Variants in CFAP61 observed in about 807,000 individuals in gnomAD.
CFAP61 encodes the protein cilia- and flagella-associated protein 61.
A neutral mutation model predicts 135.6 loss-of-function variants in CFAP61; 107 were observed. That is an observed-to-expected ratio of 0.79 (90% CI 0.67 to 0.93). CFAP61 has a LOEUF of 0.93. CFAP61 is among the 40% of genes least tolerant of loss of function. The pLI, the probability that CFAP61 is intolerant of heterozygous loss-of-function variation, is 0.00. For missense variants in CFAP61, 1,507 were observed against 1,556.2 expected, an observed-to-expected ratio of 0.97 and a Z score of 0.53; for synonymous variants, 575 against 578.5, an observed-to-expected ratio of 0.99 and a Z score of 0.09.
intron 8 of CFAP61, among the ~76,000 whole-genome samples, chr20:20,101,349 T>C (rs1266466292): frequency 1.3e-5 from 2 of 152,246 alleles, no homozygotes; most frequent in African/African-American, 4.8e-5. Context: ...AGGATTTTTA[T>C]ATATGTAATC....
chr20:20,189,252 A>G (rs1472809139), intron 14 of CFAP61, among the ~76,000 whole-genome samples: 1 of 137,138 alleles, frequency 7.3e-6, no homozygotes, highest in Admixed American at 7.4e-5. Flanking sequence ...CCTTCAGCAC[A>G]TGGTTTGCTT....
chr20:20,307,473 G>T (rs1199411207), intron 25 of CFAP61, among the ~76,000 whole-genome samples: 1 of 152,200 alleles, frequency 6.6e-6, no homozygotes, highest in Non-Finnish European at 1.5e-5. Context: ...TTTAGCTCGT[G>T]TGTTCCTGTT....
At chr20:20,054,396 G>GATATAT (rs34409266) in intron 1 of CFAP61, among the ~76,000 whole-genome samples, 1 of 140,256 alleles carries the variant, frequency 7.1e-6, no homozygotes, top group African/African-American at 2.7e-5. Context: ...ATGAGCTAGG[G>GATATAT]ATATATATAT....
chr20:20,086,105 A>C (rs552394734), intron 6 of CFAP61, among the ~76,000 whole-genome samples: 3 of 150,050 alleles, frequency 2.0e-5, no homozygotes, highest in Non-Finnish European at 4.4e-5. Context: ...TTTTTTGTAC[A>C]TGAGAAAACC....
intron 8 of CFAP61, among the ~76,000 whole-genome samples, chr20:20,140,974 G>A (rs1372810442): frequency 6.7e-6 from 1 of 148,860 alleles, no homozygotes; most frequent in Non-Finnish European, 1.5e-5. Flanking sequence ...CTAGGCTATA[G>A]TGCAGTGGCA....
chr20:20,087,614 G>C (rs1001931176), intron 6 of CFAP61, among the ~76,000 whole-genome samples: 2 of 151,514 alleles, frequency 1.3e-5, no homozygotes, highest in Admixed American at 1.3e-4. Context: ...AGCTTCTGTA[G>C]TAAGAAACTC....
intron 6 of CFAP61, among the ~76,000 whole-genome samples, chr20:20,090,297 A>T (rs1317070416): frequency 6.6e-6 from 1 of 152,136 alleles, no homozygotes; most frequent in Non-Finnish European, 1.5e-5. Flanking sequence ...CTCCCTGACC[A>T]CTTGACCCTC....
intron 8 of CFAP61, among the ~76,000 whole-genome samples, chr20:20,101,260 C>G (rs933659170): frequency 6.6e-6 from 1 of 152,232 alleles, no homozygotes; most frequent in South Asian, 2.1e-4. Flanking sequence ...AAAATATGAA[C>G]TAAAATTCTT....
At position 20,129,301 on chromosome 20, in the gene CFAP61, A is replaced by G. The variant is rs6515066; in HGVS notation, c.860-13556A>G. On this transcript the variant is annotated intron_variant, in intron 8 of 26. Coordinates refer to ENST00000245957, the MANE Select transcript of CFAP61 (RefSeq NM_015585.4). ...TTTTGTTTATTTGGGAAAGCCTTTT[A>G]TCTTTCCTTCATATTTAAAGGACAA... is the stretch of plus-strand genomic sequence containing the variant. Among the ~76,000 whole-genome samples, 312 of 151,892 alleles carry G rather than the reference A, an allele frequency of 2.1e-3. 9 individuals carry two copies. The highest frequency in any genetic ancestry group is 6.8e-3 in the African/African-American group (282 of 41,194).
intron 17 of CFAP61, among the ~76,000 whole-genome samples, chr20:20,215,489 G>T (rs1287183140): frequency 3.3e-5 from 5 of 152,320 alleles, no homozygotes; most frequent in East Asian, 3.9e-4. Flanking sequence ...GGCATGCCAT[G>T]GGGAGAGTAT....
intron 25 of CFAP61, among the ~76,000 whole-genome samples, chr20:20,331,740 T>G (rs375093786): frequency 6.6e-6 from 1 of 151,978 alleles, no homozygotes; most frequent in South Asian, 2.1e-4. Flanking sequence ...GGGGTTTATA[T>G]GTGCACATAT....
chr20:20,296,373 T>C (rs2147079532), intron 24 of CFAP61, among the ~76,000 whole-genome samples: 1 of 71,956 alleles, frequency 1.4e-5, no homozygotes, highest in Admixed American at 1.5e-4. Context: ...TCTTCATCCC[T>C]CCTTCCCTCC....
At chr20:20,218,753 C>T (rs2048203643) in intron 17 of CFAP61, among the ~76,000 whole-genome samples, 1 of 152,204 alleles carries the variant, frequency 6.6e-6, no homozygotes. Context: ...CAATTGTTGG[C>T]ATCTGGTAGA....
intron 8 of CFAP61, among the ~76,000 whole-genome samples, chr20:20,111,884 G>T (rs1243217516): frequency 6.6e-6 from 1 of 151,976 alleles, no homozygotes; most frequent in Non-Finnish European, 1.5e-5. Flanking sequence ...TTGATCTAAG[G>T]TTAGTAGTTT....
chr20:20,091,547 AG>A (rs1485913597), intron 7 of CFAP61, among the ~76,000 whole-genome samples: 4 of 151,788 alleles, frequency 2.6e-5, no homozygotes, highest in African/African-American at 9.7e-5. Context: ...ACCATTTGAG[AG>A]TAAGTTGCAT....
intron 14 of CFAP61, among the ~76,000 whole-genome samples, chr20:20,189,973 TG>T (rs1341049754): frequency 6.6e-6 from 1 of 152,102 alleles, no homozygotes; most frequent in African/African-American, 2.4e-5. Flanking sequence ...TTAGTAGAGA[TG>T]GGGTTTCACC....
chr20:20,224,490 A>C (rs752748476), intron 17 of CFAP61, among the ~76,000 whole-genome samples: 19 of 152,178 alleles, frequency 1.2e-4, no homozygotes, highest in Admixed American at 6.5e-5. Context: ...ATCAACTTTA[A>C]GGAATTTTTT....
chr20:20,312,115 T>A (rs1391896667), intron 25 of CFAP61, among the ~76,000 whole-genome samples: 1 of 152,100 alleles, frequency 6.6e-6, no homozygotes, highest in African/African-American at 2.4e-5. Flanking sequence ...AATGATACAA[T>A]TTCTGATACC....
chr20:20,337,724 C>T (rs544188040), intron 25 of CFAP61, among the ~76,000 whole-genome samples: 19 of 152,188 alleles, frequency 1.2e-4, no homozygotes, highest in South Asian at 2.1e-4. Context: ...TCTTAGCAGA[C>T]GTCCCACCAT....
Sources: gnomAD v4.1 joint callset for allele counts (sites outside exome capture counted in the v4.1 genomes callset) on GRCh38, gnomAD v4.1.1 for gene constraint, MANE v1.5 for transcripts, NCBI Gene and HGNC (gene_info 2026-07-23, HGNC 2026-07-21) for gene names.